DLC1: variants seen among roughly 807,000 people sequenced by gnomAD.
DLC1 encodes rho GTPase-activating protein 7.
DLC1 carries 54 observed loss-of-function variants against 140.3 expected under a neutral mutation model. The ratio of observed to expected loss-of-function variants is 0.38; its 90% CI spans 0.31 to 0.48. DLC1 has a LOEUF of 0.48. Among genes scored for constraint, DLC1 ranks in the 20% least tolerant of loss-of-function variants. The pLI is 0.96. For synonymous variants in DLC1, 986 were observed against 728.1 expected (o/e 1.35, Z -5.70); for missense variants, 2,536 against 1,907.0 (o/e 1.33, Z -6.14).
chr8:13,538,782 C>G (rs1291968147), intron 1 of DLC1, among the ~76,000 whole-genome samples: 2 of 152,208 alleles, frequency 1.3e-5, no homozygotes, highest in African/African-American at 4.8e-5. Context: ...AGACTGCTGA[C>G]TCCAACTCTT....
chr8:13,390,669 C>A (rs1167592273), intron 4 of DLC1, among the ~76,000 whole-genome samples: 1 of 152,156 alleles, frequency 6.6e-6, no homozygotes, highest in South Asian at 2.1e-4. Flanking sequence ...CAAACCTGCA[C>A]GTTCTGCACA....
chr8:13,277,171 G>C (rs1831205480), intron 5 of DLC1, among the ~76,000 whole-genome samples: 1 of 152,134 alleles, frequency 6.6e-6, no homozygotes, highest in African/African-American at 2.4e-5. Context: ...AATTAGGCGG[G>C]TGTGGTGGCA....
intron 5 of DLC1, among the ~76,000 whole-genome samples, chr8:13,228,537 A>G (rs767967657): frequency 6.6e-5 from 10 of 152,022 alleles, no homozygotes. Context: ...GGAGTTTGAG[A>G]CCAGCTTAAG....
rs1446673615 is a variant in DLC1 at position 13,559,516 on chromosome 8, T to G, written c.-126+45021A>C. The G allele has an allele frequency of 3.3e-5, 5 of 152,324 alleles. 1 individual carries two copies. In the Middle Eastern group the frequency reaches 0.01, roughly 311 times the overall value. The allele number at this position is 152,324 out of a possible 1,614,324, so 9.4% of individuals were successfully genotyped here. On this transcript the variant is annotated intron_variant, in intron 1 of 1. Transcript: ENST00000631382. Reference sequence around the variant, plus strand: ...TTAATAACATAGTTTTACTGAAAGATTCATCTCAAATAAAATAATTTGCAA... The same window carrying G: ...TTAATAACATAGTTTTACTGAAAGAGTCATCTCAAATAAAATAATTTGCAA...
chr8:13,092,590 G>C, intron 13 of DLC1, 22 bp downstream of exon 13: 1 of 1,610,808 alleles, frequency 6.2e-7, no homozygotes, highest in Non-Finnish European at 8.5e-7. Context: ...CTGTGTGCAT[G>C]CACCTCCCAT....
chr8:13,416,245 A>G (rs1206739678), intron 2 of DLC1, among the ~76,000 whole-genome samples: 1 of 152,186 alleles, frequency 6.6e-6, no homozygotes, highest in Non-Finnish European at 1.5e-5. Flanking sequence ...CTTGTTACAT[A>G]TGCAAATATC....
intron 4 of DLC1, among the ~76,000 whole-genome samples, chr8:13,309,921 T>C (rs1042029506): frequency 6.6e-6 from 1 of 152,272 alleles, no homozygotes; most frequent in Non-Finnish European, 1.5e-5. Flanking sequence ...TCTCTGATTT[T>C]AGGAATATGT....
intron 7 of DLC1, among the ~76,000 whole-genome samples, chr8:13,103,468 G>A (rs1017025427): frequency 6.6e-6 from 1 of 152,036 alleles, no homozygotes; most frequent in African/African-American, 2.4e-5. Context: ...TCAATGAGTT[G>A]TTCTTACTAA....
At chr8:13,137,472 TG>T (rs5889422) in intron 5 of DLC1, among the ~76,000 whole-genome samples, 152,185 of 152,186 alleles carry the variant, frequency 1, 76,092 homozygotes, top group Non-Finnish European at 1. Flanking sequence ...TTTTGTTATA[TG>T]GGGGTGTTGT....
intron 4 of DLC1, among the ~76,000 whole-genome samples, chr8:13,363,941 C>A (rs564170853): frequency 1.3e-5 from 2 of 152,290 alleles, no homozygotes; most frequent in East Asian, 3.9e-4. Flanking sequence ...ACTCTTTCTA[C>A]GCTCTAAGAA....
chr8:13,313,807 T>C (rs1455805082), intron 4 of DLC1, among the ~76,000 whole-genome samples: 1 of 152,224 alleles, frequency 6.6e-6, no homozygotes, highest in African/African-American at 2.4e-5. Flanking sequence ...TTTCTTATTT[T>C]CCCTAAGTTT....
Position 13,110,747 on chromosome 8 carries a change from T to C in DLC1, c.1497A>G (p.Leu499=). The stretch of plus-strand genomic sequence containing the variant: ...CTCAAAACGTGTCCATTTACCTGCA[T>C]AGAGCCTCAATGGCATCTCTGTCCA... ...DFLDRDAIEA[L]CRRLNTLNKC... is the part of the protein sequence containing the mutation. Residue 499 remains leucine (L), a synonymous_variant, in exon 7 of 18, where the codon CTA becomes CTG. Transcript: ENST00000276297. 1 of 1,613,902 alleles carries C rather than the reference T, an allele frequency of 6.2e-7. No homozygotes were observed. Among genetic ancestry groups the C allele is most frequent in the African/African-American group, 1.3e-5 (1 of 75,040 alleles).
intron 2 of DLC1, among the ~76,000 whole-genome samples, chr8:13,467,939 T>G (rs11781856): frequency 0.34 from 52,440 of 152,066 alleles, 9,425 homozygotes; most frequent in Middle Eastern, 0.47. Context: ...TAAGTGGTTT[T>G]ATGCAGCTGA....
intron 5 of DLC1, among the ~76,000 whole-genome samples, chr8:13,160,678 G>A (rs759887559): frequency 2.0e-5 from 3 of 152,182 alleles, no homozygotes; most frequent in Non-Finnish European, 4.4e-5. Flanking sequence ...CTAGCTCTAT[G>A]TTAAAAGAGA....
At chr8:13,414,263 A>G (rs1312431125) in intron 2 of DLC1, among the ~76,000 whole-genome samples, 2 of 152,210 alleles carry the variant, frequency 1.3e-5, no homozygotes, top group South Asian at 2.1e-4. Context: ...TATTATTGGT[A>G]TGAAAAGATG....
chr8:13,599,722 C>G (rs1400120249), intron 1 of DLC1, among the ~76,000 whole-genome samples: 2 of 152,026 alleles, frequency 1.3e-5, no homozygotes, highest in Non-Finnish European at 1.5e-5. Context: ...GATGTCAACT[C>G]TATCCAAATG....
At chr8:13,390,951 C>G (rs1836727650) in intron 4 of DLC1, among the ~76,000 whole-genome samples, 1 of 145,672 alleles carries the variant, frequency 6.9e-6, no homozygotes, top group Admixed American at 7.1e-5. Flanking sequence ...CACCACTGCA[C>G]TCCAGCCTGG....
intron 5 of DLC1, among the ~76,000 whole-genome samples, chr8:13,296,285 T>G (rs1286823827): frequency 1.3e-5 from 2 of 152,086 alleles, no homozygotes; most frequent in East Asian, 1.9e-4. Flanking sequence ...AGATCTTTAG[T>G]GGCTTTCTTG....
chr8:13,104,351 A>C (rs1235771174), intron 7 of DLC1, among the ~76,000 whole-genome samples: 2 of 50,296 alleles, frequency 4.0e-5, no homozygotes, highest in African/African-American at 8.7e-5. Flanking sequence ...AAATACTTAC[A>C]AAAAAAAAAA....
Sources: gnomAD v4.1 joint callset for allele counts (sites outside exome capture counted in the v4.1 genomes callset) on GRCh38, gnomAD v4.1.1 for gene constraint, MANE v1.5 for transcripts, NCBI Gene and HGNC (gene_info 2026-07-23, HGNC 2026-07-21) for gene names.